Variants in CELF2 observed in about 807,000 individuals in gnomAD.
CELF2 encodes CUGBP Elav-like family member 2.
CELF2 carries 8 observed loss-of-function variants against 62.6 expected under a neutral mutation model. That is an observed-to-expected ratio of 0.13 (90% confidence interval 0.07 to 0.23). The LOEUF (loss-of-function observed/expected upper bound fraction) is 0.23. Ranked by LOEUF, CELF2 falls within the 10% of genes least tolerant of loss-of-function variation. CELF2 has a pLI of 1.00. For synonymous variants in CELF2, 258 were observed against 250.0 expected, an observed-to-expected ratio of 1.03 and a Z score of -0.30; for missense variants, 333 against 671.0, an observed-to-expected ratio of 0.50 and a Z score of 5.56.
intron 1 of CELF2, among the ~76,000 whole-genome samples, chr10:10,862,354 A>T (rs527266713): frequency 6.6e-6 from 1 of 152,174 alleles, no homozygotes; most frequent in Non-Finnish European, 1.5e-5. Flanking sequence ...TGAAGGCTCT[A>T]CTGGGGTGTG....
intron 1 of CELF2, among the ~76,000 whole-genome samples, chr10:10,904,191 T>G (rs527855772): frequency 6.6e-6 from 1 of 152,164 alleles, no homozygotes; most frequent in East Asian, 1.9e-4. Context: ...TTATTATTTT[T>G]ATCACGCAAT....
chr10:10,581,083 C>T, the CELF2 span, among the ~76,000 whole-genome samples: 1 of 152,124 alleles, frequency 6.6e-6, no homozygotes, highest in African/African-American at 2.4e-5. Flanking sequence ...GTGAATTGCA[C>T]ATATTTGGAA....
At chr10:10,991,444 T>C (rs550007482) in intron 2 of CELF2, among the ~76,000 whole-genome samples, 1 of 152,264 alleles carries the variant, frequency 6.6e-6, no homozygotes, top group South Asian at 2.1e-4. Flanking sequence ...CAGAGACCTC[T>C]GGTAACCAGG....
the CELF2 span, among the ~76,000 whole-genome samples, chr10:10,743,875 G>A: frequency 0.044 from 6,630 of 150,918 alleles, 178 homozygotes; most frequent in African/African-American, 0.078. Flanking sequence ...AACACATATC[G>A]ATACAAATAA....
chr10:11,029,701 C>G (rs1005325816), intron 1 of CELF2, among the ~76,000 whole-genome samples: 1 of 152,234 alleles, frequency 6.6e-6, no homozygotes, highest in African/African-American at 2.4e-5. Flanking sequence ...AAAACTAGGT[C>G]TGTGGCTGAA....
At chr10:11,162,217 G>A (rs914103279) in intron 1 of CELF2, among the ~76,000 whole-genome samples, 2 of 151,816 alleles carry the variant, frequency 1.3e-5, no homozygotes, top group Non-Finnish European at 2.9e-5. Flanking sequence ...GAGAGTGGTC[G>A]ATGGGACAGG....
At chr10:10,638,415 T>C in the CELF2 span, among the ~76,000 whole-genome samples, 1 of 152,176 alleles carries the variant, frequency 6.6e-6, no homozygotes, top group Non-Finnish European at 1.5e-5. Flanking sequence ...GGGAAATAAA[T>C]GGTCACATAG....
chr10:10,982,511 C>G (rs2052262154), intron 2 of CELF2, among the ~76,000 whole-genome samples: 1 of 152,156 alleles, frequency 6.6e-6, no homozygotes, highest in African/African-American at 2.4e-5. Context: ...CCAAGCAGCA[C>G]CTGGGTCCCA....
the CELF2 span, among the ~76,000 whole-genome samples, chr10:10,560,042 A>T: frequency 2.0e-5 from 3 of 152,180 alleles, no homozygotes; most frequent in Non-Finnish European, 1.5e-5. Flanking sequence ...TAAAAGAGGA[A>T]ATTTGGAATG....
At chr10:11,264,508 A>G (rs1013520541) in intron 5 of CELF2, among the ~76,000 whole-genome samples, 6 of 152,268 alleles carry the variant, frequency 3.9e-5, no homozygotes, top group African/African-American at 1.4e-4. Context: ...TCTATCTCCA[A>G]TAGATGATTT....
At chr10:10,705,904 G>A in the CELF2 span, among the ~76,000 whole-genome samples, 1 of 152,174 alleles carries the variant, frequency 6.6e-6, no homozygotes, top group South Asian at 2.1e-4. Flanking sequence ...GAATGCACCA[G>A]ATGATAAATC....
intron 1 of CELF2, among the ~76,000 whole-genome samples, chr10:11,050,295 G>A (rs1238652658): frequency 1.3e-5 from 2 of 152,206 alleles, no homozygotes; most frequent in African/African-American, 4.8e-5. Flanking sequence ...TGCTTGCACT[G>A]ATCTCTTTTA....
the CELF2 span, among the ~76,000 whole-genome samples, chr10:10,686,829 G>A: frequency 6.6e-6 from 1 of 152,234 alleles, no homozygotes; most frequent in Middle Eastern, 3.4e-3. Context: ...GATACAAGCA[G>A]GAAGTCAGAT....
At chr10:11,278,879 G>T (rs572856266) in intron 8 of CELF2, among the ~76,000 whole-genome samples, 4 of 152,168 alleles carry the variant, frequency 2.6e-5, no homozygotes, top group African/African-American at 9.7e-5. Context: ...TTAGAGAGAT[G>T]AGCAGACTTG....
chr10:10,785,386 G>A, the CELF2 span, among the ~76,000 whole-genome samples: 2 of 152,094 alleles, frequency 1.3e-5, no homozygotes, highest in African/African-American at 4.8e-5. Context: ...ATATCCAAAG[G>A]AAATAAAATC....
chr10:10,707,565 A>G, the CELF2 span, among the ~76,000 whole-genome samples: 2 of 152,182 alleles, frequency 1.3e-5, no homozygotes, highest in East Asian at 3.9e-4. Flanking sequence ...ACATGAAGGA[A>G]ACCATCCCTC....
the CELF2 span, among the ~76,000 whole-genome samples, chr10:10,494,720 A>T: frequency 1.3e-5 from 2 of 152,100 alleles, no homozygotes; most frequent in Admixed American, 1.3e-4. Flanking sequence ...ATTGTACCTG[A>T]TCTTAGAGTT....
chr10:10,985,331 T>TA lies in CELF2; in HGVS notation c.89+65346dup, dbSNP rs58949496. 9.6e-3 allele frequency among the ~76,000 whole-genome samples: 1,345 copies of TA among 140,660 alleles called. 22 individuals carry two copies. The highest frequency in any genetic ancestry group is 0.064 in the East Asian group (315 of 4,884). 92.3% of individuals were successfully genotyped at this position (140,660 alleles called of 152,430 possible). A position where few individuals can be genotyped will look rare whatever the true frequency, so the allele number is the denominator to read the frequency against. On this transcript the variant is annotated intron_variant, in intron 2 of 13. Transcript: ENST00000636488. ...AACACCCATTAATAGCTATTAGAAG[T>TA]AAAAAAAAAAAAAATAAGGCTTTAT...
the CELF2 span, among the ~76,000 whole-genome samples, chr10:10,471,888 A>G: frequency 6.6e-6 from 1 of 151,736 alleles, no homozygotes; most frequent in Admixed American, 6.6e-5. Context: ...TTATTGACCA[A>G]TTGTTTAAAT....
Sources: gnomAD v4.1 joint callset for allele counts (sites outside exome capture counted in the v4.1 genomes callset) on GRCh38, gnomAD v4.1.1 for gene constraint, MANE v1.5 for transcripts, NCBI Gene and HGNC (gene_info 2026-07-23, HGNC 2026-07-21) for gene names.